The following TOM1L1 variants were observed in gnomAD, a reference collection of about 807,000 sequenced individuals.
TOM1L1 encodes the protein TOM1-like protein 1.
TOM1L1 carries 64 observed loss-of-function variants against 63.4 expected under a neutral mutation model. The ratio of observed to expected loss-of-function variants is 1.01; its 90% CI spans 0.83 to 1.24. The LOEUF (loss-of-function observed/expected upper bound fraction) is 1.24, where lower values mean the gene tolerates loss of function less well. Among genes scored for constraint, TOM1L1 ranks in the 50% most tolerant of loss-of-function variants. The pLI, the probability that TOM1L1 is intolerant of heterozygous loss-of-function variation, is 0.00. For synonymous variants in TOM1L1, 166 were observed against 194.4 expected (o/e 0.85, Z 1.22); for missense variants, 536 against 567.0 (o/e 0.95, Z 0.55).
intron 7 of TOM1L1, among the ~76,000 whole-genome samples, chr17:54,920,979 G>A (rs12952699): frequency 0.16 from 24,015 of 151,686 alleles, 2,125 homozygotes; most frequent in South Asian, 0.26. Context: ...TTGCCATCTC[G>A]CTTTGTGGGG....
intron 7 of TOM1L1, among the ~76,000 whole-genome samples, chr17:54,923,247 A>T (rs2048712207): frequency 3.9e-5 from 6 of 152,106 alleles, no homozygotes. Flanking sequence ...TTGAGTATCA[A>T]CCTAAGAGTA....
chr17:54,914,370 TAAAA>T (rs35044232), intron 5 of TOM1L1, among the ~76,000 whole-genome samples: 31 of 144,538 alleles, frequency 2.1e-4, no homozygotes, highest in Non-Finnish European at 1.8e-4. Context: ...GACCCTTGGT[TAAAA>T]AAAAAAAAAA....
chr17:54,929,961 C>T, intron 7 of TOM1L1, 112 bp from the exon 8 acceptor site: 1 of 1,352,772 alleles, frequency 7.4e-7, no homozygotes, highest in Non-Finnish European at 1.0e-6. Context: ...GGTAGTGCCC[C>T]ACAGGCTACT....
rs114657908 is a variant in TOM1L1 at position 54,958,383 on chromosome 17, T to C, written c.1371-2183T>C. On this transcript the variant is annotated intron_variant, in intron 14 of 15. Transcript: ENST00000575882. ...TTTGAAAAGCACATGAGAGATTAAG[T>C]AGAGACAGTAAGTACAGATAACTTC... The C allele has an allele frequency of 9.4e-3, 1,433 of 152,258 alleles. 29 individuals carry two copies. The highest frequency in any genetic ancestry group is 0.033 in the African/African-American group (1,355 of 41,554). The allele number at this position is 152,258 out of a possible 1,614,324, so 9.4% of individuals were successfully genotyped here.
chr17:54,944,058 T>C (rs543446059), intron 11 of TOM1L1, among the ~76,000 whole-genome samples: 18 of 152,258 alleles, frequency 1.2e-4, no homozygotes, highest in Admixed American at 4.6e-4. Context: ...TTTTCTATAA[T>C]AGTTATCTTA....
intron 8 of TOM1L1, among the ~76,000 whole-genome samples, chr17:54,935,496 A>G (rs1348031552): frequency 2.0e-5 from 3 of 152,200 alleles, no homozygotes; most frequent in African/African-American, 7.2e-5. Context: ...TTGTCATAAC[A>G]GTAATACTAT....
chr17:54,909,844 A>G (rs1382675547), intron 3 of TOM1L1, among the ~76,000 whole-genome samples: 3 of 152,246 alleles, frequency 2.0e-5, no homozygotes, highest in Non-Finnish European at 4.4e-5. Context: ...AAGATGGGTT[A>G]TCTGAACACA....
intron 3 of TOM1L1, 138 bp downstream of exon 3, chr17:54,905,705 A>G: frequency 1.8e-6 from 1 of 558,774 alleles, no homozygotes; most frequent in Non-Finnish European, 3.2e-6. Context: ...AGTATGACTT[A>G]AAACTCTTCA....
chr17:54,948,503 AACC>A (rs2049157469), intron 12 of TOM1L1, among the ~76,000 whole-genome samples: 1 of 152,110 alleles, frequency 6.6e-6, no homozygotes, highest in Non-Finnish European at 1.5e-5. Context: ...CCTCTCCAGT[AACC>A]ACAAGACTCA....
chr17:54,917,399 G>T (rs983838929), intron 7 of TOM1L1: 11 of 151,948 alleles, frequency 7.2e-5, no homozygotes, highest in Non-Finnish European at 1.5e-5. Flanking sequence ...TTGTAATTGA[G>T]TTGCTTATTC....
At chr17:54,944,449 C>A (rs80216588) in intron 11 of TOM1L1, among the ~76,000 whole-genome samples, 11 of 142,874 alleles carry the variant, frequency 7.7e-5, no homozygotes, top group Non-Finnish European at 7.6e-5. Flanking sequence ...GACTCTATCT[C>A]AAAAAAAAAA....
chr17:54,957,688 G>T (rs957916639), intron 14 of TOM1L1: 5 of 152,046 alleles, frequency 3.3e-5, no homozygotes, highest in African/African-American at 7.2e-5. Flanking sequence ...AAATTACTGG[G>T]TTTTTTTCAC....
intron 8 of TOM1L1, among the ~76,000 whole-genome samples, chr17:54,932,715 C>T (rs1281584910): frequency 6.6e-6 from 1 of 152,210 alleles, no homozygotes; most frequent in Non-Finnish European, 1.5e-5. Flanking sequence ...GCCACCGCGC[C>T]TGGCCACCAT....
intron 3 of TOM1L1, among the ~76,000 whole-genome samples, chr17:54,911,331 CCA>C (rs1363877443): frequency 1.3e-5 from 2 of 152,072 alleles, no homozygotes; most frequent in Non-Finnish European, 2.9e-5. Context: ...TAGGTGAACC[CCA>C]GTGTTTCAGC....
chr17:54,913,823 G>T lies in TOM1L1; in HGVS notation c.448G>T (p.Gly150Cys). 3 of 1,612,410 alleles carry T rather than the reference G, an allele frequency of 1.9e-6. No individual in the cohort carries two copies. The highest frequency in any genetic ancestry group is 1.7e-6 in the Non-Finnish European group (2 of 1,178,968). Reference sequence around the variant, plus strand: ...AGTATACCTCGACCTGGTTAAGAAAGGCGTTCAGTTTCCTCCCTCAGAAGC... The same window carrying T: ...AGTATACCTCGACCTGGTTAAGAAATGCGTTCAGTTTCCTCCCTCAGAAGC... Reference protein sequence around the residue: ...KEVYLDLVKKGVQFPPSEAEA... With the variant: ...KEVYLDLVKKCVQFPPSEAEA... Residue 150 changes from glycine to cysteine, a missense_variant, in exon 5 of 16, where the codon GGC (glycine) becomes TGC (cysteine). Gly to Cys is a radical substitution (Grantham distance 159). Transcript: ENST00000575882.
chr17:54,903,873 C>T (rs1012723512), intron 2 of TOM1L1, 81 bp downstream of exon 2: 11 of 1,334,098 alleles, frequency 8.2e-6, no homozygotes, highest in African/African-American at 5.8e-5. Flanking sequence ...GCAAATATTT[C>T]GGTTTTGTTG....
At chr17:54,902,229 T>C (rs1205845124) in intron 1 of TOM1L1, among the ~76,000 whole-genome samples, 1 of 152,224 alleles carries the variant, frequency 6.6e-6, no homozygotes, top group East Asian at 1.9e-4. Flanking sequence ...ATAGGAGTTT[T>C]CTTTTCTAGG....
At chr17:54,906,943 G>A (rs1385475448) in intron 3 of TOM1L1, among the ~76,000 whole-genome samples, 1 of 152,202 alleles carries the variant, frequency 6.6e-6, no homozygotes, top group African/African-American at 2.4e-5. Flanking sequence ...ACATCACGCT[G>A]CGTTAGGAGC....
chr17:54,912,831 A>G lies in TOM1L1; in HGVS notation c.372+16A>G, dbSNP rs2048518571. The G allele has an allele frequency of 6.5e-7, 1 of 1,534,778 alleles. No individual in the cohort carries two copies. The highest frequency in any genetic ancestry group is 1.3e-5 in the South Asian group (1 of 76,892). On this transcript the variant is annotated intron_variant, in intron 4 of 15. Transcript: ENST00000575882. ...TTTCATTAAGGTAAGTCTGTTGTAT[A>G]CCTCATGGGATGGTAAATTTCTAAG...
Sources: allele counts gnomAD v4.1 joint callset (sites outside exome capture counted in the v4.1 genomes callset), GRCh38; gene constraint gnomAD v4.1.1; transcripts MANE v1.5; gene names NCBI Gene and HGNC (gene_info 2026-07-23, HGNC 2026-07-21).